PDE3A: variants seen among roughly 807,000 people sequenced by gnomAD.
The protein encoded by PDE3A is cGMP-inhibited 3',5'-cyclic phosphodiesterase 3A.
In PDE3A, 43 loss-of-function variants were observed where a neutral mutation model predicts 98.3. That is an observed-to-expected ratio of 0.44 (90% CI 0.34 to 0.56). The LOEUF is 0.56. PDE3A is among the 20% of genes least tolerant of loss of function. PDE3A has a pLI of 0.01. For missense variants in PDE3A, 1,427 were observed against 1,440.7 expected, an observed-to-expected ratio of 0.99 and a Z score of 0.15; for synonymous variants, 663 against 567.9, an observed-to-expected ratio of 1.17 and a Z score of -2.38.
intron 2 of PDE3A, among the ~76,000 whole-genome samples, chr12:20,563,072 C>T (rs1482683774): frequency 6.6e-6 from 1 of 152,166 alleles, no homozygotes; most frequent in Non-Finnish European, 1.5e-5. Flanking sequence ...CTACCTAGAT[C>T]AGTGAGCCTT....
chr12:20,404,806 A>C (rs1944200978), intron 1 of PDE3A, among the ~76,000 whole-genome samples: 1 of 146,202 alleles, frequency 6.8e-6, no homozygotes, highest in Admixed American at 6.9e-5. Flanking sequence ...TTGCCATTCC[A>C]CACATGTGTA....
intron 1 of PDE3A, among the ~76,000 whole-genome samples, chr12:20,553,516 G>A (rs1359961779): frequency 1.5e-5 from 2 of 134,210 alleles, no homozygotes; most frequent in Non-Finnish European, 3.2e-5. Flanking sequence ...GTGGCATGGC[G>A]TGGCTCAGCT....
intron 2 of PDE3A, among the ~76,000 whole-genome samples, chr12:20,574,929 G>T (rs142936848): frequency 6.6e-6 from 1 of 152,070 alleles, no homozygotes; most frequent in Admixed American, 6.6e-5. Context: ...CCATTACACA[G>T]ATTTTTTGTT....
intron 1 of PDE3A, among the ~76,000 whole-genome samples, chr12:20,468,841 A>G (rs553474018): frequency 6.6e-6 from 1 of 152,326 alleles, no homozygotes; most frequent in African/African-American, 2.4e-5. Context: ...CATCCTCTCA[A>G]AGTTTCAAAT....
intron 2 of PDE3A, among the ~76,000 whole-genome samples, chr12:20,588,739 T>C (rs1303883313): frequency 6.6e-6 from 1 of 152,072 alleles, no homozygotes; most frequent in Non-Finnish European, 1.5e-5. Context: ...GCCCTATATG[T>C]AGGAGAAAAA....
chr12:20,646,143 A>G (rs1419268607), intron 10 of PDE3A, among the ~76,000 whole-genome samples: 8 of 152,206 alleles, frequency 5.3e-5, no homozygotes, highest in Admixed American at 3.3e-4. Flanking sequence ...CATTCTCTGC[A>G]TAGTTTTATG....
chr12:20,612,862 G>A (rs1035401930), intron 2 of PDE3A, among the ~76,000 whole-genome samples: 18 of 151,728 alleles, frequency 1.2e-4, no homozygotes, highest in African/African-American at 4.1e-4. Flanking sequence ...ATGTGCCACA[G>A]AATCCCAGAA....
At chr12:20,407,203 A>G (rs1316693080) in intron 1 of PDE3A, among the ~76,000 whole-genome samples, 1 of 152,134 alleles carries the variant, frequency 6.6e-6, no homozygotes, top group East Asian at 1.9e-4. Context: ...TTCATTCTCT[A>G]TTTAATGGGT....
Position 20,520,988 on chromosome 12 carries a change from A to G in PDE3A, c.961-35672A>G, listed in dbSNP as rs1035575695. Among the ~76,000 whole-genome samples, 3 of 152,342 alleles carry G rather than the reference A, an allele frequency of 2.0e-5. No homozygotes were observed. The South Asian group carries it at 6.2e-4, about 32-fold the overall frequency. ...TCACCTCTGTGATGGGCCGTTCTTC[A>G]TGTCCTACAGTTTGAACTAAAGAAT... On this transcript the variant is annotated intron_variant, in intron 1 of 15. Transcript: ENST00000359062.
At chr12:20,669,931 C>T (rs1224286802) in intron 15 of PDE3A, among the ~76,000 whole-genome samples, 32 of 152,010 alleles carry the variant, frequency 2.1e-4, no homozygotes, top group Non-Finnish European at 7.3e-5. Context: ...CAAGACCAAT[C>T]AGTGTGCTGT....
intron 1 of PDE3A, among the ~76,000 whole-genome samples, chr12:20,533,478 CTTTT>C (rs10707682): frequency 8.0e-6 from 1 of 124,644 alleles, no homozygotes; most frequent in African/African-American, 3.1e-5. Flanking sequence ...GTTTCTTTTT[CTTTT>C]TTTTTTTTTT....
At chr12:20,645,278 A>G (rs2121514772) in intron 10 of PDE3A, among the ~76,000 whole-genome samples, 1 of 152,196 alleles carries the variant, frequency 6.6e-6, no homozygotes, top group Admixed American at 6.5e-5. Context: ...TTTACCTAAG[A>G]TTTAGCTGCA....
At chr12:20,664,212 C>T (rs534241080) in intron 15 of PDE3A, among the ~76,000 whole-genome samples, 1 of 151,910 alleles carries the variant, frequency 6.6e-6, no homozygotes, top group Non-Finnish European at 1.5e-5. Flanking sequence ...TTATAAATTA[C>T]CCAGTCTTGA....
chr12:20,466,585 T>A (rs574008169), intron 1 of PDE3A, among the ~76,000 whole-genome samples: 2 of 152,350 alleles, frequency 1.3e-5, no homozygotes, highest in African/African-American at 4.8e-5. Flanking sequence ...TATTTAAAAG[T>A]TAAATTATGA....
chr12:20,378,232 A>G (rs1053083531), intron 1 of PDE3A, among the ~76,000 whole-genome samples: 1 of 151,664 alleles, frequency 6.6e-6, no homozygotes, highest in African/African-American at 2.4e-5. Context: ...CCGGTTTGCA[A>G]TTTCAAACTG....
chr12:20,424,107 A>T (rs139417584), intron 1 of PDE3A, among the ~76,000 whole-genome samples: 1 of 109,208 alleles, frequency 9.2e-6, no homozygotes, highest in African/African-American at 2.7e-5. Flanking sequence ...GTGCAGTATT[A>T]AAAAAATACA....
rs964285283 is a variant in PDE3A, at chr12:20,511,763, G to A, written c.961-44897G>A. On this transcript the variant is annotated intron_variant, in intron 1 of 15. Transcript: ENST00000359062. ...GAGAGACTTGGGCAAAGTCTTCTCA[G>A]GAGAGAAATGGGCAAAGAGAAAGAG... is the stretch of plus-strand genomic sequence containing the variant. Among the ~76,000 whole-genome samples, 76 of 152,142 alleles carry A rather than the reference G, an allele frequency of 5.0e-4. 1 individual carries two copies. The highest frequency in any genetic ancestry group is 2.5e-4 in the Non-Finnish European group (17 of 67,962).
chr12:20,522,442 CAG>C (rs1217461102), intron 1 of PDE3A, among the ~76,000 whole-genome samples: 1 of 152,038 alleles, frequency 6.6e-6, no homozygotes, highest in Non-Finnish European at 1.5e-5. Context: ...CTGCAAAAGA[CAG>C]ATAATTAACT....
chr12:20,427,083 G>A (rs1944612815), intron 1 of PDE3A, among the ~76,000 whole-genome samples: 1 of 152,120 alleles, frequency 6.6e-6, no homozygotes, highest in Admixed American at 6.6e-5. Flanking sequence ...AGGGACACAG[G>A]GTAATGTTAT....
Sources: gnomAD v4.1 joint callset for allele counts (sites outside exome capture counted in the v4.1 genomes callset) on GRCh38, gnomAD v4.1.1 for gene constraint, MANE v1.5 for transcripts, NCBI Gene and HGNC (gene_info 2026-07-23, HGNC 2026-07-21) for gene names.